TAX1BP3: variants seen among roughly 807,000 people sequenced by gnomAD.
The protein encoded by TAX1BP3 is Tax1 binding protein 3.
A neutral mutation model predicts 15.3 loss-of-function variants in TAX1BP3; 13 were observed. The observed-to-expected ratio is 0.85, with a 90% confidence interval of 0.55 to 1.35. The LOEUF is 1.35. Among genes scored for constraint, TAX1BP3 ranks in the 40% most tolerant of loss-of-function variants. The probability of loss-of-function intolerance (pLI) is 0.00; values close to 1 mark genes in which losing one functional copy is unlikely to be tolerated. For missense variants in TAX1BP3, 147 were observed against 169.6 expected (o/e 0.87, Z 0.74); for synonymous variants, 70 against 66.0 (o/e 1.06, Z -0.30).
chr17:3,667,742 C>T (rs1438049325), intron 1 of TAX1BP3, among the ~76,000 whole-genome samples: 1 of 152,220 alleles, frequency 6.6e-6, no homozygotes, highest in Non-Finnish European at 1.5e-5. Context: ...CTCTGTGACA[C>T]CGGCGTCTGA....
Position 3,664,545 on chromosome 17 carries a change from CT to C in TAX1BP3, c.159+133del, listed in dbSNP as rs1358826659. 4 of 1,305,578 alleles carry C rather than the reference CT, an allele frequency of 3.1e-6. No homozygotes were observed. In the South Asian group the frequency reaches 4.9e-5, roughly 16 times the overall value. 80.9% of individuals were successfully genotyped at this position (1,305,578 alleles called of 1,614,324 possible). ...ACCCGTCCTTATTCTCACTAGGTCA[CT>C]TCCGATGCCTTCTTAGAGAGCATGG... On this transcript the variant is annotated intron_variant, in intron 2 of 3. Transcript: ENST00000225525.
At position 3,668,546 on chromosome 17, in the gene TAX1BP3, C is replaced by G. The variant is rs903571964; in HGVS notation, c.-20G>C. 11 of 1,596,338 alleles carry G rather than the reference C, an allele frequency of 6.9e-6. No homozygotes were observed. Among genetic ancestry groups the G allele is most frequent in the Non-Finnish European group, 8.5e-6 (10 of 1,173,234 alleles). Reference sequence around the variant, plus strand: ...GGACATCTCGACCCTGCTCTGGTCGCCCAGCGCCGCTCCGAGAAGCCGGCA... The same window carrying G: ...GGACATCTCGACCCTGCTCTGGTCGGCCAGCGCCGCTCCGAGAAGCCGGCA... On this transcript the variant is annotated 5_prime_UTR_variant, in exon 1 of 4. Coordinates refer to ENST00000225525, the MANE Select transcript of TAX1BP3 (RefSeq NM_014604.4). The surrounding 1 kb of genome is among the most constrained non-coding windows in gnomAD (Gnocchi z 4.1).
Position 3,668,428 on chromosome 17 carries a change from TCCCGC to T in TAX1BP3, c.39+55_39+59del. 1 of 1,586,216 alleles carries T rather than the reference TCCCGC, an allele frequency of 6.3e-7. No individual in the cohort carries two copies. On this transcript the variant is annotated intron_variant, in intron 1 of 3. Coordinates refer to ENST00000225525, the MANE Select transcript of TAX1BP3 (RefSeq NM_014604.4). This position sits in a 1 kb window ranked among gnomAD's most constrained non-coding sequence, Gnocchi z 4.1. Reference sequence around the variant, plus strand: ...TGTCAACCTGCTTGGGGTGTCCGTTTCCCGCTCTGCGAGGTGGGGTCAGGCCAAGA... The same window carrying T: ...TGTCAACCTGCTTGGGGTGTCCGTTTTCTGCGAGGTGGGGTCAGGCCAAGA...
chr17:3,664,474 C>T, intron 2 of TAX1BP3: 1 of 919,248 alleles, frequency 1.1e-6, no homozygotes, highest in Non-Finnish European at 1.7e-6. Flanking sequence ...CTGATGGCCG[C>T]CTCCTGCTCC....
rs750851535 is a variant in TAX1BP3 at position 3,664,181 on chromosome 17, G to A, written c.237+14C>T. On this transcript the variant is annotated intron_variant, in intron 3 of 3. Coordinates refer to ENST00000225525, the MANE Select transcript of TAX1BP3 (RefSeq NM_014604.4). The stretch of plus-strand genomic sequence containing the variant: ...GCCCAAACCTTGTTTCTCCTCCTTT[G>A]GGACACCTGTTACCTGCATGATCTT... The A allele has an allele frequency of 3.1e-6, 5 of 1,613,932 alleles. No individual in the cohort carries two copies. The Admixed American group carries it at 8.3e-5, about 27-fold the overall frequency.
chr17:3,664,179 T>C lies in TAX1BP3; in HGVS notation c.237+16A>G. 1 of 1,614,060 alleles carries C rather than the reference T, an allele frequency of 6.2e-7. No homozygotes were observed. The highest frequency in any genetic ancestry group is 8.5e-7 in the Non-Finnish European group (1 of 1,180,020). On this transcript the variant is annotated intron_variant, in intron 3 of 3. Coordinates refer to ENST00000225525, the MANE Select transcript of TAX1BP3 (RefSeq NM_014604.4). ...TTGCCCAAACCTTGTTTCTCCTCCT[T>C]TGGGACACCTGTTACCTGCATGATC...
intron 1 of TAX1BP3, among the ~76,000 whole-genome samples, chr17:3,667,212 G>T (rs2076349791): frequency 6.6e-6 from 1 of 151,940 alleles, no homozygotes; most frequent in Non-Finnish European, 1.5e-5. Context: ...GCATGCTGGT[G>T]CATGCCTGTA....
chr17:3,666,752 C>T (rs2076342722), intron 1 of TAX1BP3, among the ~76,000 whole-genome samples: 4 of 152,120 alleles, frequency 2.6e-5, no homozygotes. Flanking sequence ...AATTAGGGGG[C>T]ATGGGCCTGC....
At chr17:3,665,147 T>A in intron 1 of TAX1BP3, 4 of 808,020 alleles carry the variant, frequency 5.0e-6, no homozygotes, top group Non-Finnish European at 8.5e-6. Flanking sequence ...AAAGCAGAGA[T>A]CAAACTTGCA....
chr17:3,664,727 G>A lies in TAX1BP3; in HGVS notation c.111C>T (p.Ile37=). 1.9e-6 allele frequency: 3 copies of A among 1,613,828 alleles called. No homozygotes were observed. Among genetic ancestry groups the A allele is most frequent in the Admixed American group, 1.7e-5 (1 of 60,022 alleles). Residue 37 remains isoleucine, a synonymous_variant, in exon 2 of 4, where the codon ATC becomes ATT. Coordinates refer to ENST00000225525, the MANE Select transcript of TAX1BP3 (RefSeq NM_014604.4). ...AGGGATTCTGGGAAGGATCCTGGTC[G>A]ATTCCACCTCCAATGCTGAAACCCA... is the stretch of plus-strand genomic sequence containing the variant. The part of the protein sequence containing the change: ...LILGFSIGGG[I]DQDPSQNPFS...
chr17:3,666,687 G>A (rs1048210697), intron 1 of TAX1BP3, among the ~76,000 whole-genome samples: 2 of 152,264 alleles, frequency 1.3e-5, no homozygotes, highest in African/African-American at 2.4e-5. Flanking sequence ...TCCAAGACTC[G>A]AGGGAGAGGC....
chr17:3,663,511 C>A lies in TAX1BP3; in HGVS notation c.*237G>T. On this transcript the variant is annotated 3_prime_UTR_variant, in exon 4 of 4. Coordinates refer to ENST00000225525, the MANE Select transcript of TAX1BP3 (RefSeq NM_014604.4). ...GCCTGTGGTCACAGCAGACTGGCTA[C>A]TACTCAGCTCCAGGCCCTTATTTCC... 2.0e-6 allele frequency: 1 copy of A among 493,198 alleles called. No individual in the cohort carries two copies. Among genetic ancestry groups the A allele is most frequent in the South Asian group, 5.0e-5 (1 of 20,042 alleles). 30.6% of individuals were successfully genotyped at this position (493,198 alleles called of 1,614,324 possible). A position where few individuals can be genotyped will look rare whatever the true frequency, so the allele number is the denominator to read the frequency against.
chr17:3,664,662 AC>A lies in TAX1BP3; in HGVS notation c.159+16del, dbSNP rs754122635. 6.2e-7 allele frequency: 1 copy of A among 1,613,414 alleles called. No homozygotes were observed. Among genetic ancestry groups the A allele is most frequent in the Admixed American group, 1.7e-5 (1 of 60,004 alleles). On this transcript the variant is annotated intron_variant, in intron 2 of 3. Transcript: ENST00000225525. ...CTGTGCCCCATGGAGCGGTCCCAGG[AC>A]CCCAGACCCCCTCACCTTGTCCGTC...
At chr17:3,665,978 T>TG (rs1003040033) in intron 1 of TAX1BP3, among the ~76,000 whole-genome samples, 2 of 152,208 alleles carry the variant, frequency 1.3e-5, no homozygotes, top group African/African-American at 4.8e-5. Context: ...ACGAGTGTTC[T>TG]GGGGCATTCC....
chr17:3,664,452 G>T, intron 2 of TAX1BP3, 180 bp from the exon 3 acceptor site: 1 of 931,098 alleles, frequency 1.1e-6, no homozygotes, highest in Non-Finnish European at 1.7e-6. Context: ...GCACCACCAT[G>T]CACCGGCCCT....
chr17:3,665,327 A>C, intron 1 of TAX1BP3: 1 of 1,256,946 alleles, frequency 8.0e-7, no homozygotes, highest in Non-Finnish European at 1.2e-6. Flanking sequence ...TCTATAAGAA[A>C]GGTGATACTG....
Position 3,668,510 on chromosome 17 carries a change from C to G in TAX1BP3, c.17G>C (p.Gly6Ala). The change falls in exon 1 of 4, where the codon GGC becomes GCC. Residue 6 changes from glycine to alanine, a missense_variant. Coordinates refer to ENST00000225525, the MANE Select transcript of TAX1BP3 (RefSeq NM_014604.4). The surrounding 1 kb of genome is among the most constrained non-coding windows in gnomAD (Gnocchi z 4.1). MSYIPGQPVTAVVQRV... is the reference protein window; with the variant it reads MSYIPAQPVTAVVQRV... ...CACCACCACGGCGGTGACCGGCTGG[C>G]CCGGGATGTAGGACATCTCGACCCT... 1.2e-6 allele frequency: 2 copies of G among 1,609,042 alleles called. No homozygotes were observed. The highest frequency in any genetic ancestry group is 1.7e-6 in the Non-Finnish European group (2 of 1,178,576).
intron 1 of TAX1BP3, among the ~76,000 whole-genome samples, chr17:3,667,305 T>G (rs1419723748): frequency 1.4e-5 from 2 of 146,630 alleles, no homozygotes; most frequent in African/African-American, 5.2e-5. Flanking sequence ...ATCGCGCCAC[T>G]GTACTCCAGC....
In TAX1BP3 at chr17:3,664,263, C is replaced by A; in HGVS notation, c.169G>T (p.Val57Phe). The A allele has an allele frequency of 3.1e-6, 5 of 1,614,030 alleles. No homozygotes were observed. The highest frequency in any genetic ancestry group is 4.2e-6 in the Non-Finnish European group (5 of 1,180,024). ...SEDKTDKGIY[V>F]TRVSEGGPAE... ...GGGCCTCCTTCAGACACCCGTGTGA[C>A]ATAAATACCCTGGAAAGGGGCAGCC... Residue 57 changes from valine to phenylalanine, a missense_variant, in exon 3 of 4, where the codon GTC becomes TTC. Physicochemically the swap from Val to Phe is conservative, Grantham distance 50. Transcript: ENST00000225525.
Sources: allele counts gnomAD v4.1 joint callset (sites outside exome capture counted in the v4.1 genomes callset), GRCh38; gene constraint gnomAD v4.1.1; non-coding constraint Gnocchi (gnomAD v3.1); transcripts MANE v1.5; gene names NCBI Gene and HGNC (gene_info 2026-07-23, HGNC 2026-07-21).